Variants in ATP13A5 observed in about 807,000 individuals in gnomAD.
The protein encoded by ATP13A5 is ATPase 13A5.
Under a neutral mutation model 150.2 loss-of-function variants are expected in ATP13A5, and 149 were observed. The ratio of observed to expected loss-of-function variants is 0.99; its 90% CI spans 0.87 to 1.14. The LOEUF is 1.14. Among genes scored for constraint, ATP13A5 ranks in the 50% most tolerant of loss-of-function variants. The pLI is 0.00. For missense variants in ATP13A5, 1,383 were observed against 1,449.3 expected (o/e 0.95, Z 0.74); for synonymous variants, 497 against 522.2 (o/e 0.95, Z 0.66).
chr3:193,354,940 C>CTTTTTTTTTGTTT (rs1712722382), intron 5 of ATP13A5, among the ~76,000 whole-genome samples: 1 of 127,916 alleles, frequency 7.8e-6, no homozygotes. Context: ...AACAATGTAA[C>CTTTTTTTTTGTTT]TTTTTTTTTG....
At chr3:193,323,843 G>A (rs1398907939) in intron 14 of ATP13A5, 1 of 152,070 alleles carries the variant, frequency 6.6e-6, no homozygotes, top group Admixed American at 6.6e-5. Context: ...TCTTTGTTAG[G>A]TGTGCTTTGT....
At position 193,275,244 on chromosome 3, in the gene ATP13A5, T is replaced by G; in HGVS notation, c.3455A>C (p.Tyr1152Ser). Residue 1152 changes from tyrosine (Y) to serine (S), a missense_variant, in exon 30 of 30, where the codon TAC becomes TCC. Tyr to Ser is a moderately radical substitution (Grantham distance 144). Around this residue, in one of 3 missense-constraint regions of ATP13A5, gnomAD observed 568 missense variants for 621.5 expected, o/e 0.91. Transcript: ENST00000342358. The part of the protein sequence containing the change: ...WLLIKREFGF[Y>S]SKSQYRTWQK... The stretch of plus-strand genomic sequence containing the variant: ...CCAAGTCCTATATTGACTTTTAGAG[T>G]AGAATCCAAATTCTCTTTTGATCAA... 5.0e-6 allele frequency: 8 copies of G among 1,614,134 alleles called. No homozygotes were observed. Among genetic ancestry groups the G allele is most frequent in the Non-Finnish European group, 6.8e-6 (8 of 1,180,016 alleles).
Position 193,351,194 on chromosome 3 carries a change from T to C in ATP13A5, c.614A>G (p.Asn205Ser), listed in dbSNP as rs200213416. The C allele has an allele frequency of 9.3e-6, 15 of 1,613,632 alleles. No individual in the cohort carries two copies. In the East Asian group the frequency reaches 3.3e-4, roughly 36 times the overall value. The change falls in exon 7 of 30, where the codon AAT (asparagine) becomes AGT (serine). Residue 205 changes from asparagine to serine, a missense_variant. Asn to Ser is a conservative substitution (Grantham distance 46, BLOSUM62 1). Transcript: ENST00000342358. Reference sequence around the variant, plus strand: ...GAAGGCTTGGAACACATAGAATGGATTTAAAACCTGCAGGCACAAAAATGG... The same window carrying C: ...GAAGGCTTGGAACACATAGAATGGACTTAAAACCTGCAGGCACAAAAATGG... ...IWKLLVKQVL[N>S]PFYVFQAFTL... is the part of the protein sequence containing the mutation.
intron 25 of ATP13A5, among the ~76,000 whole-genome samples, chr3:193,291,442 A>G (rs1560116666): frequency 2.0e-5 from 3 of 151,970 alleles, no homozygotes; most frequent in African/African-American, 7.3e-5. Context: ...TGATAGGAGT[A>G]TTTTTCTTAT....
chr3:193,348,618 C>T (rs894308641), intron 7 of ATP13A5, among the ~76,000 whole-genome samples: 1 of 152,106 alleles, frequency 6.6e-6, no homozygotes, highest in Admixed American at 6.6e-5. Context: ...TGATTTGGGG[C>T]CCCAGTAGAT....
intron 27 of ATP13A5, chr3:193,281,029 C>T (rs1437698838): frequency 8.6e-5 from 16 of 186,968 alleles, no homozygotes; most frequent in African/African-American, 3.1e-4. Context: ...TCATGCCTCA[C>T]TTTATGTATA....
intron 8 of ATP13A5, among the ~76,000 whole-genome samples, chr3:193,344,626 T>C (rs183123927): frequency 6.6e-6 from 1 of 152,214 alleles, no homozygotes; most frequent in African/African-American, 2.4e-5. Context: ...GACTGGGAAA[T>C]AAAGGAACCT....
chr3:193,332,323 C>G (rs1560136861), intron 11 of ATP13A5, among the ~76,000 whole-genome samples: 1 of 152,152 alleles, frequency 6.6e-6, no homozygotes, highest in Non-Finnish European at 1.5e-5. Context: ...TCTTAAACCT[C>G]TTTCCTTTAT....
chr3:193,318,954 C>T (rs1310259431), intron 17 of ATP13A5, 37 bp downstream of exon 17: 2 of 1,472,136 alleles, frequency 1.4e-6, no homozygotes, highest in East Asian at 2.3e-5. Flanking sequence ...TTCATGGGCA[C>T]AGAGCCTGCT....
intron 1 of ATP13A5, among the ~76,000 whole-genome samples, chr3:193,377,900 C>G (rs930050085): frequency 2.6e-5 from 4 of 152,208 alleles, no homozygotes; most frequent in Admixed American, 2.6e-4. Context: ...CTGTCCCTTG[C>G]AGGCTAATGA....
At chr3:193,321,925 G>A (rs1160859392) in intron 15 of ATP13A5, 88 bp from the exon 16 acceptor site, 3 of 1,389,556 alleles carry the variant, frequency 2.2e-6, no homozygotes, top group African/African-American at 1.4e-5. Flanking sequence ...ACTGTGCAAT[G>A]AGCCCAGAGA....
At chr3:193,301,486 C>G (rs1718393961) in intron 23 of ATP13A5, among the ~76,000 whole-genome samples, 179 bp from the exon 24 acceptor site, 1 of 152,162 alleles carries the variant, frequency 6.6e-6, no homozygotes, top group Non-Finnish European at 1.5e-5. Context: ...CAATCATTAC[C>G]TTACTCATCG....
At chr3:193,279,012 T>C (rs1717357022) in intron 28 of ATP13A5, among the ~76,000 whole-genome samples, 2 of 152,200 alleles carry the variant, frequency 1.3e-5, no homozygotes, top group South Asian at 4.1e-4. Flanking sequence ...CCTTTATAAC[T>C]ACTTTATAAA....
intron 25 of ATP13A5, among the ~76,000 whole-genome samples, chr3:193,297,826 C>G (rs2108836382): frequency 6.6e-6 from 1 of 152,146 alleles, no homozygotes; most frequent in East Asian, 1.9e-4. Context: ...TGCAAAAGCT[C>G]CAAATAACTT....
intron 29 of ATP13A5, among the ~76,000 whole-genome samples, chr3:193,276,359 T>C (rs1187241849): frequency 6.6e-6 from 1 of 152,234 alleles, no homozygotes; most frequent in Non-Finnish European, 1.5e-5. Context: ...CGGCTTCTCC[T>C]CTTTCTTATG....
chr3:193,374,973 C>T (rs996588141), intron 1 of ATP13A5, among the ~76,000 whole-genome samples: 1 of 152,282 alleles, frequency 6.6e-6, no homozygotes, highest in South Asian at 2.1e-4. Context: ...AAGGCCCTCA[C>T]CAGGTGTGGT....
intron 5 of ATP13A5, among the ~76,000 whole-genome samples, chr3:193,354,973 C>T (rs1454511697): frequency 1.8e-5 from 2 of 113,888 alleles, no homozygotes; most frequent in African/African-American, 6.9e-5. Flanking sequence ...ACTCTTGTTG[C>T]CCAGGCTGGA....
At chr3:193,307,100 T>G in intron 22 of ATP13A5, 1 of 1,353,080 alleles carries the variant, frequency 7.4e-7, no homozygotes, top group Non-Finnish European at 9.5e-7. Flanking sequence ...TAAGTAGCCT[T>G]CCTTTGTGTT....
At position 193,378,729 on chromosome 3, in the gene ATP13A5, A is replaced by T; in HGVS notation, c.-4T>A. On this transcript the variant is annotated 5_prime_UTR_variant, in exon 1 of 30. Transcript: ENST00000342358. ...CCTTCTTACTGTTCTCTTCCATCTG[A>T]ACTCAACCGGCGAGGATCTCTTCTG... The T allele has an allele frequency of 2.5e-6, 4 of 1,613,582 alleles. No individual in the cohort carries two copies. The highest frequency in any genetic ancestry group is 3.4e-6 in the Non-Finnish European group (4 of 1,179,582).
Sources: gnomAD v4.1 joint callset for allele counts (sites outside exome capture counted in the v4.1 genomes callset) on GRCh38, gnomAD v4.1.1 for gene constraint, gnomAD v4.1.1 regional missense constraint, MANE v1.5 for transcripts, NCBI Gene and HGNC (gene_info 2026-07-23, HGNC 2026-07-21) for gene names.